SLC14A2: variants seen among roughly 807,000 people sequenced by gnomAD.
SLC14A2 encodes urea transporter 2.
Under a neutral mutation model 104.6 loss-of-function variants are expected in SLC14A2, and 91 were observed. The observed-to-expected ratio is 0.87, with a 90% CI of 0.73 to 1.04. The LOEUF (loss-of-function observed/expected upper bound fraction) is 1.04, where lower values mean the gene tolerates loss of function less well. SLC14A2 is among the 50% of genes least tolerant of loss of function. The pLI is 0.00. For synonymous variants in SLC14A2, 476 were observed against 466.4 expected (o/e 1.02, Z -0.27); for missense variants, 1,189 against 1,156.0 (o/e 1.03, Z -0.41).
intron 1 of SLC14A2, among the ~76,000 whole-genome samples, chr18:45,434,491 G>A (rs1049402283): frequency 6.6e-6 from 1 of 151,816 alleles, no homozygotes; most frequent in Non-Finnish European, 1.5e-5. Context: ...GTTGTTGTTT[G>A]CATGATTTTA....
At chr18:45,323,404 C>G (rs964614896) in intron 1 of SLC14A2, among the ~76,000 whole-genome samples, 9 of 152,290 alleles carry the variant, frequency 5.9e-5, no homozygotes, top group African/African-American at 1.9e-4. Context: ...GCTATATCCT[C>G]CCTGAAAGTA....
At chr18:45,589,509 C>T (rs1045553018) in intron 2 of SLC14A2, among the ~76,000 whole-genome samples, 3 of 151,944 alleles carry the variant, frequency 2.0e-5, no homozygotes, top group Admixed American at 6.6e-5. Flanking sequence ...TAGGACATTT[C>T]CCCGCACCAC....
rs893164007 is a variant in SLC14A2, at chr18:45,658,122, G to C, written c.1352-5663G>C. On this transcript the variant is annotated intron_variant, in intron 10 of 19. Transcript: ENST00000255226. The stretch of plus-strand genomic sequence containing the variant: ...GCAAGGAAATTGCCTTGTGGTGTGT[G>C]GGTGTGTCCACAAACAACAGATCAG... 3.3e-5 allele frequency among the ~76,000 whole-genome samples: 5 copies of C among 152,160 alleles called. 1 individual carries two copies. Among genetic ancestry groups the C allele is most frequent in the East Asian group, 3.9e-4 (2 of 5,190 alleles).
chr18:45,472,219 A>G (rs1203712803), intron 1 of SLC14A2, among the ~76,000 whole-genome samples: 1 of 142,344 alleles, frequency 7.0e-6, no homozygotes, highest in African/African-American at 2.5e-5. Context: ...ATTCTTTTTC[A>G]TGCTGCATAG....
chr18:45,376,966 A>T (rs1598735082), intron 1 of SLC14A2, among the ~76,000 whole-genome samples: 2 of 152,172 alleles, frequency 1.3e-5, no homozygotes, highest in South Asian at 4.1e-4. Context: ...CACATTGTTA[A>T]CCTTGCTGTC....
chr18:45,664,901 C>A (rs999231004), intron 11 of SLC14A2, among the ~76,000 whole-genome samples: 1 of 152,104 alleles, frequency 6.6e-6, no homozygotes, highest in African/African-American at 2.4e-5. Flanking sequence ...TTAATAAATT[C>A]CTCCTAACAT....
the SLC14A2 span, among the ~76,000 whole-genome samples, chr18:45,183,906 A>ATTTTTTTTTTT: frequency 2.3e-3 from 142 of 62,720 alleles, 7 homozygotes; most frequent in South Asian, 4.3e-3. Context: ...TAATTTTCTA[A>ATTTTTTTTTTT]TTTTTTTTTT....
intron 1 of SLC14A2, among the ~76,000 whole-genome samples, chr18:45,317,700 G>A (rs2085143487): frequency 6.6e-6 from 1 of 152,206 alleles, no homozygotes; most frequent in African/African-American, 2.4e-5. Flanking sequence ...AGCCAGCTGT[G>A]TTCCCCAGCT....
intron 1 of SLC14A2, among the ~76,000 whole-genome samples, chr18:45,266,575 A>T (rs73426001): frequency 0.027 from 4,064 of 151,484 alleles, 195 homozygotes; most frequent in African/African-American, 0.094. Flanking sequence ...AAACTCCCTT[A>T]AAAAAAATCA....
At chr18:45,260,976 C>A (rs1375909036) in intron 1 of SLC14A2, among the ~76,000 whole-genome samples, 1 of 152,010 alleles carries the variant, frequency 6.6e-6, no homozygotes, top group Admixed American at 6.6e-5. Context: ...GCACGTGTAC[C>A]CTCTGAATCC....
intron 2 of SLC14A2, among the ~76,000 whole-genome samples, chr18:45,580,860 A>G (rs573400360): frequency 9.2e-5 from 14 of 152,302 alleles, no homozygotes; most frequent in African/African-American, 3.1e-4. Flanking sequence ...CTTTAAGATG[A>G]GAGAATCAGG....
chr18:45,357,795 G>A (rs560268744), intron 1 of SLC14A2, among the ~76,000 whole-genome samples: 2 of 152,214 alleles, frequency 1.3e-5, no homozygotes, highest in South Asian at 4.2e-4. Context: ...GATGAAGAAA[G>A]GCTGAAAAAA....
intron 2 of SLC14A2, among the ~76,000 whole-genome samples, chr18:45,556,584 G>C (rs2044136180): frequency 6.6e-6 from 1 of 152,186 alleles, no homozygotes; most frequent in Non-Finnish European, 1.5e-5. Context: ...TCTATGTCTT[G>C]ACTTCCCTTT....
Position 45,682,651 on chromosome 18 carries a change from A to G in SLC14A2, c.*132A>G. 1.4e-6 allele frequency: 1 copy of G among 712,794 alleles called. No homozygotes were observed. 44.2% of individuals were successfully genotyped at this position (712,794 alleles called of 1,614,324 possible). A position where few individuals can be genotyped will look rare whatever the true frequency, so the allele number is the denominator to read the frequency against. Reference sequence around the variant, plus strand: ...TCTCCCCAAACACAAAGAAGCGTGTATGTAGTCACCATTCCAGAACCTCTC... The same window carrying G: ...TCTCCCCAAACACAAAGAAGCGTGTGTGTAGTCACCATTCCAGAACCTCTC... On this transcript the variant is annotated 3_prime_UTR_variant, in exon 20 of 20. Transcript: ENST00000255226.
chr18:45,469,307 G>A (rs1437626010), intron 1 of SLC14A2, among the ~76,000 whole-genome samples: 1 of 152,146 alleles, frequency 6.6e-6, no homozygotes, highest in Non-Finnish European at 1.5e-5. Flanking sequence ...GATCATAAAG[G>A]AAAGGGAACC....
At chr18:45,593,161 C>T (rs551710434) in intron 2 of SLC14A2, among the ~76,000 whole-genome samples, 3 of 152,020 alleles carry the variant, frequency 2.0e-5, no homozygotes, top group South Asian at 2.1e-4. Context: ...ACTAAAAATA[C>T]GAAAAAATTA....
At chr18:45,667,263 T>C (rs2046041761) in intron 13 of SLC14A2, among the ~76,000 whole-genome samples, 169 bp downstream of exon 13, 1 of 152,188 alleles carries the variant, frequency 6.6e-6, no homozygotes, top group Non-Finnish European at 1.5e-5. Flanking sequence ...AAAACAGACA[T>C]ACAGCCTCTT....
At chr18:45,365,022 G>C (rs763382672) in intron 1 of SLC14A2, among the ~76,000 whole-genome samples, 1 of 152,184 alleles carries the variant, frequency 6.6e-6, no homozygotes, top group Non-Finnish European at 1.5e-5. Flanking sequence ...ATCACAGGCA[G>C]GTAAATAAGT....
chr18:45,386,067 G>C (rs1353160985), intron 1 of SLC14A2, among the ~76,000 whole-genome samples: 1 of 152,154 alleles, frequency 6.6e-6, no homozygotes, highest in African/African-American at 2.4e-5. Flanking sequence ...TCAGAGACGA[G>C]GGCTATGTTT....
Sources: gnomAD v4.1 joint callset for allele counts (sites outside exome capture counted in the v4.1 genomes callset) on GRCh38, gnomAD v4.1.1 for gene constraint, MANE v1.5 for transcripts, NCBI Gene and HGNC (gene_info 2026-07-23, HGNC 2026-07-21) for gene names.